ARID1B: variants seen among roughly 807,000 people sequenced by gnomAD.
ARID1B encodes AT-rich interactive domain-containing protein 1B.
ARID1B carries 30 observed loss-of-function variants against 212.3 expected under a neutral mutation model. That is an observed-to-expected ratio of 0.14 (90% CI 0.11 to 0.19). ARID1B has a LOEUF of 0.19. ARID1B is among the 10% of genes least tolerant of loss of function. The pLI is 1.00. For missense variants in ARID1B, 2,891 were observed against 3,204.0 expected (o/e 0.90, Z 2.36); for synonymous variants, 1,402 against 1,301.7 (o/e 1.08, Z -1.66).
chr6:156,962,531 A>G (rs1794455927), intron 4 of ARID1B, among the ~76,000 whole-genome samples: 1 of 152,218 alleles, frequency 6.6e-6, no homozygotes, highest in Non-Finnish European at 1.5e-5. Context: ...GTGCGGTAGC[A>G]CAATCACAGC....
At chr6:157,154,448 C>T (rs1040138449) in intron 8 of ARID1B, among the ~76,000 whole-genome samples, 1 of 151,878 alleles carries the variant, frequency 6.6e-6, no homozygotes. Context: ...AGACGTTACC[C>T]AGCCTCTATT....
At chr6:156,961,074 A>C (rs11968132) in intron 4 of ARID1B, among the ~76,000 whole-genome samples, 4 of 152,228 alleles carry the variant, frequency 2.6e-5, no homozygotes, top group African/African-American at 9.6e-5. Flanking sequence ...CTCTTGGGAA[A>C]CAAAGAAACA....
In ARID1B at chr6:157,148,881, A is replaced by G. The variant is rs1442559706; in HGVS notation, c.3019A>G (p.Thr1007Ala). 6.2e-7 allele frequency: 1 copy of G among 1,612,952 alleles called. No homozygotes were observed. Among genetic ancestry groups the G allele is most frequent in the South Asian group, 1.1e-5 (1 of 91,092 alleles). ...GCCAGGAATGGGGCCGCCAATGCCAACTGTGAACCGTAAGGCACAGGAGGC... is the reference window on the plus strand; with the variant it reads ...GCCAGGAATGGGGCCGCCAATGCCAGCTGTGAACCGTAAGGCACAGGAGGC... The part of the protein sequence containing the change: ...GGPGMGPPMP[T>A]VNRKAQEAAA... The change falls in exon 8 of 20, where the codon ACT becomes GCT. Residue 1007 changes from threonine to alanine, a missense_variant. Coordinates refer to ENST00000636930, the MANE Select transcript of ARID1B (RefSeq NM_001374828.1). The surrounding 1 kb of genome is among the most constrained non-coding windows in gnomAD (Gnocchi z 5.6).
chr6:156,830,133 C>T (rs1303418200), intron 2 of ARID1B, among the ~76,000 whole-genome samples: 1 of 152,144 alleles, frequency 6.6e-6, no homozygotes, highest in Non-Finnish European at 1.5e-5. Flanking sequence ...TGAAAGAATA[C>T]CCCTTTATGC....
intron 4 of ARID1B, among the ~76,000 whole-genome samples, chr6:157,047,489 G>T (rs6557521): frequency 0.2 from 30,047 of 152,144 alleles, 3,241 homozygotes; most frequent in East Asian, 0.4. Flanking sequence ...CAGCATCGCG[G>T]CTGTCCCAAG....
Position 157,174,139 on chromosome 6 carries a change from G to A in ARID1B, c.3345+22G>A, listed in dbSNP as rs373920239. On this transcript the variant is annotated intron_variant, in intron 10 of 19. Transcript: ENST00000636930. Reference sequence around the variant, plus strand: ...AAAGGTACTTCCTTCGCCTCTGCACGCGGTGTGAGGTCTGCCTAGCAAAAA... The same window carrying A: ...AAAGGTACTTCCTTCGCCTCTGCACACGGTGTGAGGTCTGCCTAGCAAAAA... 24 of 1,603,028 alleles carry A rather than the reference G, an allele frequency of 1.5e-5. No individual in the cohort carries two copies. The African/African-American group carries it at 2.0e-4, about 13-fold the overall frequency.
At chr6:157,182,958 C>G (rs1792672890) in intron 12 of ARID1B, among the ~76,000 whole-genome samples, 2 of 152,182 alleles carry the variant, frequency 1.3e-5, no homozygotes, top group African/African-American at 4.8e-5. Context: ...TCAGCCAGCA[C>G]AGAGTAGATA....
intron 1 of ARID1B, among the ~76,000 whole-genome samples, chr6:156,799,946 G>C (rs1250403335): frequency 6.6e-6 from 1 of 152,042 alleles, no homozygotes; most frequent in Non-Finnish European, 1.5e-5. Flanking sequence ...TCTTGTTTTC[G>C]GGGTCCTAGG....
chr6:157,205,126 T>C (rs986965387), intron 19 of ARID1B: 1 of 152,196 alleles, frequency 6.6e-6, no homozygotes, highest in Non-Finnish European at 1.5e-5. Context: ...TTATTAACTT[T>C]CCCTTTTCCC....
chr6:157,176,886 G>C (rs928355012), intron 11 of ARID1B, among the ~76,000 whole-genome samples: 2 of 152,118 alleles, frequency 1.3e-5, no homozygotes, highest in South Asian at 2.1e-4. Flanking sequence ...TAAAAAGAAA[G>C]ACTAACAATA....
chr6:157,128,780 C>T (rs916730881), intron 6 of ARID1B, among the ~76,000 whole-genome samples: 3 of 152,186 alleles, frequency 2.0e-5, no homozygotes, highest in Non-Finnish European at 4.4e-5. Flanking sequence ...GTAAAGACAG[C>T]TGTTTAACAT....
chr6:157,077,130 A>T (rs775059792), intron 4 of ARID1B, among the ~76,000 whole-genome samples: 3 of 152,190 alleles, frequency 2.0e-5, no homozygotes, highest in Non-Finnish European at 4.4e-5. Flanking sequence ...ACATGTTGCT[A>T]TTTAACCCAG....
intron 2 of ARID1B, among the ~76,000 whole-genome samples, chr6:156,894,286 C>CGGGGGGTTGGGATGGGGGCCGG (rs1554264132): frequency 4.1e-5 from 1 of 24,148 alleles, no homozygotes; most frequent in Admixed American, 6.4e-4. Flanking sequence ...GGATGGGGGC[C>CGGGGGGTTGGGATGGGGGCCGG]GGGGGGTTGG....
chr6:157,200,877 G>A lies in ARID1B; in HGVS notation c.4652G>A (p.Ser1551Asn), dbSNP rs2128373118. 1 of 1,614,040 alleles carries A rather than the reference G, an allele frequency of 6.2e-7. No homozygotes were observed. Among genetic ancestry groups the A allele is most frequent in the Admixed American group, 1.7e-5 (1 of 60,030 alleles). ...PIQGQYPYPYSRERMQGPGQI... is the reference protein window; with the variant it reads ...PIQGQYPYPYNRERMQGPGQI... Reference sequence around the variant, plus strand: ...CAGGGCCAGTACCCGTATCCCTACAGCAGGGAGAGGATGCAGGGCCCGGGG... The same window carrying A: ...CAGGGCCAGTACCCGTATCCCTACAACAGGGAGAGGATGCAGGGCCCGGGG... Residue 1551 changes from serine (S) to asparagine (N), a missense_variant, in exon 18 of 20, where the codon AGC becomes AAC. By Grantham distance (46) the Ser-to-Asn change is conservative. Around this residue, in one of 7 missense-constraint regions of ARID1B, gnomAD observed 666 missense variants for 873.5 expected, o/e 0.76. Coordinates refer to ENST00000636930, the MANE Select transcript of ARID1B (RefSeq NM_001374828.1). The surrounding 1 kb of genome is among the most constrained non-coding windows in gnomAD (Gnocchi z 4.3).
chr6:157,153,772 A>C (rs1010272416), intron 8 of ARID1B, among the ~76,000 whole-genome samples: 2 of 152,192 alleles, frequency 1.3e-5, no homozygotes, highest in African/African-American at 4.8e-5. Flanking sequence ...AGTAGTTGGT[A>C]CTACAGGCAC....
intron 1 of ARID1B, among the ~76,000 whole-genome samples, chr6:156,810,631 C>T (rs1047401710): frequency 1.3e-5 from 2 of 152,100 alleles, no homozygotes; most frequent in African/African-American, 4.8e-5. Flanking sequence ...TTTCATTTTG[C>T]CTGGTGGTTT....
At chr6:156,786,685 G>A (rs923167339) in intron 1 of ARID1B, among the ~76,000 whole-genome samples, 1 of 152,156 alleles carries the variant, frequency 6.6e-6, no homozygotes, top group Non-Finnish European at 1.5e-5. Context: ...TGAGGTATAT[G>A]TTAGATAAAT....
At chr6:156,822,313 A>T (rs114377468) in intron 1 of ARID1B, among the ~76,000 whole-genome samples, 12 of 152,348 alleles carry the variant, frequency 7.9e-5, no homozygotes, top group African/African-American at 2.9e-4. Context: ...TTTTGTTGTG[A>T]GTTGAAGTAA....
chr6:157,097,723 G>A (rs1785748870), intron 5 of ARID1B, among the ~76,000 whole-genome samples: 1 of 152,194 alleles, frequency 6.6e-6, no homozygotes, highest in Non-Finnish European at 1.5e-5. Context: ...GCGATCAAGT[G>A]GAAGAAAGGG....
Sources: gnomAD v4.1 joint callset for allele counts (sites outside exome capture counted in the v4.1 genomes callset) on GRCh38, gnomAD v4.1.1 for gene constraint, gnomAD v4.1.1 regional missense constraint, Gnocchi (gnomAD v3.1) non-coding constraint, MANE v1.5 for transcripts, NCBI Gene and HGNC (gene_info 2026-07-23, HGNC 2026-07-21) for gene names.